The following RASEF variants were observed in gnomAD, a reference collection of about 807,000 sequenced individuals.
The protein encoded by RASEF is RAS and EF-hand domain containing.
Under a neutral mutation model 90.1 loss-of-function variants are expected in RASEF, and 68 were observed. The observed-to-expected ratio is 0.75, with a 90% confidence interval of 0.62 to 0.92. The LOEUF (loss-of-function observed/expected upper bound fraction) is 0.92, where lower values mean the gene tolerates loss of function less well. Ranked by LOEUF, RASEF falls within the 40% of genes least tolerant of loss-of-function variation. The pLI is 0.00. For synonymous variants in RASEF, 331 were observed against 345.2 expected, an observed-to-expected ratio of 0.96 and a Z score of 0.46; for missense variants, 949 against 937.2, an observed-to-expected ratio of 1.01 and a Z score of -0.16.
the RASEF span, among the ~76,000 whole-genome samples, chr9:83,119,914 A>G: frequency 3.3e-5 from 5 of 152,238 alleles, no homozygotes; most frequent in Non-Finnish European, 5.9e-5. Context: ...TGAATATTCA[A>G]AACAATATTA....
the RASEF span, among the ~76,000 whole-genome samples, chr9:83,130,469 C>T: frequency 6.6e-6 from 1 of 152,014 alleles, no homozygotes; most frequent in Non-Finnish European, 1.5e-5. Flanking sequence ...TGGTGCTGTA[C>T]ATTCTATGGG....
At chr9:82,994,866 G>A (rs10867921) in intron 14 of RASEF, among the ~76,000 whole-genome samples, 10,894 of 152,110 alleles carry the variant, frequency 0.072, 467 homozygotes, top group African/African-American at 0.093. Context: ...TCTGTTCACC[G>A]CTGACAGTCT....
rs563877600 is a variant in RASEF at position 83,029,691 on chromosome 9, G to A, written c.432-3770C>T. 5.0e-4 allele frequency among the ~76,000 whole-genome samples: 75 copies of A among 151,306 alleles called. 3 individuals are homozygous for A. In the South Asian group the frequency reaches 0.015, roughly 30 times the overall value. On this transcript the variant is annotated intron_variant, in intron 1 of 16. Coordinates refer to ENST00000376447, the MANE Select transcript of RASEF (RefSeq NM_152573.4). The stretch of plus-strand genomic sequence containing the variant: ...CTCCCAAAGTGCTGGGATTACAGGC[G>A]TGTGCCAACACGCCTGGCCCCAGGC...
chr9:83,007,085 C>T (rs546177466), intron 7 of RASEF, among the ~76,000 whole-genome samples: 36 of 119,256 alleles, frequency 3.0e-4, no homozygotes, highest in Admixed American at 8.2e-4. Flanking sequence ...CAGGGCAAGA[C>T]TCTGTCTCAA....
chr9:83,188,156 G>A, the RASEF span, among the ~76,000 whole-genome samples: 13,532 of 152,128 alleles, frequency 0.089, 1,055 homozygotes, highest in African/African-American at 0.2. Flanking sequence ...TAGCATAAAA[G>A]TACATGACAA....
At chr9:83,144,326 GGAAAGAAAGAAAGAAA>G in the RASEF span, among the ~76,000 whole-genome samples, 47 of 39,476 alleles carry the variant, frequency 1.2e-3, 1 homozygote, top group Middle Eastern at 0.041. Context: ...AAAGAAAGAA[GGAAAGAAAGAAAGAAA>G]GAAAGAAAGA....
intron 4 of RASEF, among the ~76,000 whole-genome samples, 162 bp downstream of exon 4, chr9:83,015,643 G>A (rs1829330301): frequency 6.6e-6 from 1 of 152,198 alleles, no homozygotes; most frequent in Non-Finnish European, 1.5e-5. Flanking sequence ...TCTTGCCACT[G>A]CACTCCAGCC....
chr9:83,110,125 G>A, the RASEF span, among the ~76,000 whole-genome samples: 1 of 152,132 alleles, frequency 6.6e-6, no homozygotes, highest in Non-Finnish European at 1.5e-5. Context: ...CATTATTAAA[G>A]CCTCAGAGCA....
chr9:83,091,234 G>C, the RASEF span, among the ~76,000 whole-genome samples: 3 of 152,116 alleles, frequency 2.0e-5, no homozygotes, highest in Non-Finnish European at 4.4e-5. Flanking sequence ...CATATTTTTA[G>C]GGATATACTG....
At chr9:83,029,752 G>A (rs970188518) in intron 1 of RASEF, among the ~76,000 whole-genome samples, 3 of 151,950 alleles carry the variant, frequency 2.0e-5, no homozygotes, top group Non-Finnish European at 4.4e-5. Context: ...TCTGTACAGA[G>A]GCCAATCATG....
the RASEF span, among the ~76,000 whole-genome samples, chr9:83,093,490 G>A: frequency 1.3e-5 from 2 of 152,202 alleles, no homozygotes; most frequent in Admixed American, 6.5e-5. Flanking sequence ...AGCCCCGGTG[G>A]GCTGGCACTG....
intron 1 of RASEF, among the ~76,000 whole-genome samples, chr9:83,033,808 G>A (rs568184721): frequency 2.0e-4 from 30 of 152,204 alleles, no homozygotes; most frequent in Admixed American, 1.8e-3. Flanking sequence ...GTAAATTATA[G>A]ACAACTAAAA....
chr9:83,014,595 G>T (rs1001818499), intron 4 of RASEF, among the ~76,000 whole-genome samples: 1 of 152,150 alleles, frequency 6.6e-6, no homozygotes, highest in African/African-American at 2.4e-5. Flanking sequence ...TAGGTTTACA[G>T]ACATGAGCCA....
chr9:83,059,269 T>TACACACACACACACAC (rs59546421), intron 1 of RASEF, among the ~76,000 whole-genome samples: 13 of 129,126 alleles, frequency 1.0e-4, no homozygotes, highest in African/African-American at 3.9e-4. Context: ...AAATGCTCAA[T>TACACACACACACACAC]ACACACACAC....
chr9:82,988,990 G>T (rs1828763232), intron 16 of RASEF, among the ~76,000 whole-genome samples: 1 of 152,160 alleles, frequency 6.6e-6, no homozygotes, highest in South Asian at 2.1e-4. Context: ...CTCCTGGACT[G>T]ATGTCAAAGA....
the RASEF span, among the ~76,000 whole-genome samples, chr9:83,092,048 T>C: frequency 8.8e-5 from 13 of 148,336 alleles, no homozygotes; most frequent in East Asian, 1.2e-3. Flanking sequence ...TATCTTGTTT[T>C]TTGCATAAAT....
chr9:83,049,398 A>AT, intron 1 of RASEF: 1 of 905,606 alleles, frequency 1.1e-6, no homozygotes, highest in Non-Finnish European at 1.3e-6. Context: ...TCTTGAACAC[A>AT]TTTCTATGAT....
At chr9:83,131,241 A>G in the RASEF span, among the ~76,000 whole-genome samples, 1 of 152,226 alleles carries the variant, frequency 6.6e-6, no homozygotes, top group Non-Finnish European at 1.5e-5. Flanking sequence ...GTTACAGGAA[A>G]CAAATATTGT....
chr9:83,000,621 A>T (rs1188894461), intron 10 of RASEF, 51 bp from the exon 11 acceptor site: 1 of 1,520,760 alleles, frequency 6.6e-7, no homozygotes. Flanking sequence ...CAGCAGTTAA[A>T]ATACAAAGTC....
Sources: allele counts gnomAD v4.1 joint callset (sites outside exome capture counted in the v4.1 genomes callset), GRCh38; gene constraint gnomAD v4.1.1; transcripts MANE v1.5; gene names NCBI Gene and HGNC (gene_info 2026-07-23, HGNC 2026-07-21).